The following AGFG1 variants were observed in gnomAD, a reference collection of about 807,000 sequenced individuals.
The protein encoded by AGFG1 is arf-GAP domain and FG repeat-containing protein 1.
Under a neutral mutation model 60.6 loss-of-function variants are expected in AGFG1, and 10 were observed. The observed-to-expected ratio is 0.16, with a 90% CI of 0.10 to 0.28. The LOEUF is 0.28. Ranked by LOEUF, AGFG1 falls within the 10% of genes least tolerant of loss-of-function variation. The probability of loss-of-function intolerance (pLI) is 1.00; values close to 1 mark genes in which losing one functional copy is unlikely to be tolerated. For synonymous variants in AGFG1, 247 were observed against 242.9 expected (o/e 1.02, Z -0.16); for missense variants, 537 against 676.5 (o/e 0.79, Z 2.29).
At chr2:227,525,874 C>T (rs1691975012) in intron 5 of AGFG1, among the ~76,000 whole-genome samples, 1 of 152,076 alleles carries the variant, frequency 6.6e-6, no homozygotes, top group African/African-American at 2.4e-5. Context: ...TGCTCAGTAC[C>T]CGAGTCCATT....
intron 1 of AGFG1, among the ~76,000 whole-genome samples, chr2:227,479,285 G>T (rs1472131849): frequency 6.6e-6 from 1 of 152,172 alleles, no homozygotes; most frequent in Admixed American, 6.5e-5. Flanking sequence ...TTATTGCCAT[G>T]TTAAGCCTTT....
intron 1 of AGFG1, 94 bp from the exon 2 acceptor site, chr2:227,491,453 T>A (rs1307251334): frequency 1.4e-6 from 1 of 737,352 alleles, no homozygotes; most frequent in African/African-American, 1.8e-5. Flanking sequence ...GTTTCAAGTT[T>A]GTGTGTTGGT....
rs747918101 is a variant in AGFG1 at position 227,556,622 on chromosome 2, C to T, written c.*2127C>T. 3 of 152,594 alleles carry T rather than the reference C, an allele frequency of 2.0e-5. No homozygotes were observed. The highest frequency in any genetic ancestry group is 4.4e-5 in the Non-Finnish European group (3 of 68,020). The allele number at this position is 152,594 out of a possible 1,614,324, so 9.5% of individuals were successfully genotyped here. A position where few individuals can be genotyped will look rare whatever the true frequency, so the allele number is the denominator to read the frequency against. On this transcript the variant is annotated 3_prime_UTR_variant, in exon 13 of 13. Coordinates refer to ENST00000310078, the MANE Select transcript of AGFG1 (RefSeq NM_004504.5). The stretch of plus-strand genomic sequence containing the variant: ...ACAGACCATTACCCAAATATCCTAC[C>T]AGGCTTTCCATCTGAATAGTAAATT...
Position 227,519,943 on chromosome 2 carries a change from C to G in AGFG1, c.262-5C>G, listed in dbSNP as rs1045680877. 3.9e-6 allele frequency: 6 copies of G among 1,543,336 alleles called. No homozygotes were observed. Among genetic ancestry groups the G allele is most frequent in the Non-Finnish European group, 4.4e-6 (5 of 1,139,700 alleles). On this transcript the variant is annotated splice_region_variant and splice_polypyrimidine_tract_variant and intron_variant, in intron 2 of 12. Transcript: ENST00000310078. ...TAACATATATTTTTTTAATTCTTTC[C>G]AAAGGTCTGTAAACAGATTTGGCTA...
intron 1 of AGFG1, among the ~76,000 whole-genome samples, chr2:227,487,860 A>T (rs557467872): frequency 6.6e-6 from 1 of 152,360 alleles, no homozygotes; most frequent in East Asian, 1.9e-4. Context: ...TCTTATAAGC[A>T]TGTAAAATCC....
intron 8 of AGFG1, among the ~76,000 whole-genome samples, 186 bp downstream of exon 8, chr2:227,535,211 CT>C (rs1162187117): frequency 6.6e-6 from 1 of 152,114 alleles, no homozygotes; most frequent in African/African-American, 2.4e-5. Context: ...ATAATTTTAT[CT>C]TTTCATTGAA....
chr2:227,524,800 G>C lies in AGFG1; in HGVS notation c.579G>C (p.Glu193Asp), dbSNP rs749588476. 121 of 1,614,042 alleles carry C rather than the reference G, an allele frequency of 7.5e-5. No individual in the cohort carries two copies. The highest frequency in any genetic ancestry group is 1.0e-4 in the Non-Finnish European group (120 of 1,180,002). ...VVGRSQGQQQ[E>D]KKQFDLLSDL... The stretch of plus-strand genomic sequence containing the variant: ...GTCGTTCTCAAGGGCAGCAGCAGGA[G>C]AAGAAGCAATTTGACCTTTTAAGTG... The change falls in exon 5 of 13, where the codon GAG (glutamate) becomes GAC (aspartate). Residue 193 changes from glutamate (E) to aspartate (D), a missense_variant. Physicochemically the swap from Glu to Asp is conservative, Grantham distance 45. Transcript: ENST00000310078.
intron 2 of AGFG1, among the ~76,000 whole-genome samples, chr2:227,492,189 A>G (rs1243460481): frequency 6.6e-6 from 1 of 151,744 alleles, no homozygotes; most frequent in Non-Finnish European, 1.5e-5. Context: ...TCTTGCCTTT[A>G]ATGGGCTTCC....
At chr2:227,504,451 C>G (rs1691252436) in intron 2 of AGFG1, among the ~76,000 whole-genome samples, 2 of 152,150 alleles carry the variant, frequency 1.3e-5, no homozygotes, top group African/African-American at 4.8e-5. Flanking sequence ...CCTTGGCCTC[C>G]CAGAGTGCTG....
At chr2:227,508,971 G>A (rs924654110) in intron 2 of AGFG1, among the ~76,000 whole-genome samples, 1 of 152,014 alleles carries the variant, frequency 6.6e-6, no homozygotes, top group African/African-American at 2.4e-5. Context: ...TAACTAGAAT[G>A]TTACCTGACA....
intron 1 of AGFG1, among the ~76,000 whole-genome samples, chr2:227,472,827 G>C (rs1444255431): frequency 6.6e-6 from 1 of 151,794 alleles, no homozygotes; most frequent in Non-Finnish European, 1.5e-5. Context: ...TTTACGTTCT[G>C]GGCAGCCTTC....
intron 3 of AGFG1, among the ~76,000 whole-genome samples, chr2:227,521,986 C>T (rs538028049): frequency 2.0e-5 from 3 of 152,268 alleles, no homozygotes; most frequent in East Asian, 3.9e-4. Flanking sequence ...GACTGCTGCA[C>T]ACCTGTAACA....
At chr2:227,519,896 C>G in intron 2 of AGFG1, 52 bp from the exon 3 acceptor site, 1 of 1,088,886 alleles carries the variant, frequency 9.2e-7, no homozygotes, top group South Asian at 1.4e-5. Context: ...CTTAAAATTT[C>G]ATTAAGTGAA....
chr2:227,532,599 T>A (rs1692195007), intron 6 of AGFG1, among the ~76,000 whole-genome samples: 1 of 152,154 alleles, frequency 6.6e-6, no homozygotes, highest in African/African-American at 2.4e-5. Context: ...ACCTGCTTGA[T>A]AGAAAGTGTT....
intron 2 of AGFG1, among the ~76,000 whole-genome samples, chr2:227,512,816 A>G (rs1354970069): frequency 1.3e-5 from 2 of 152,208 alleles, no homozygotes; most frequent in East Asian, 3.8e-4. Flanking sequence ...TATATCTTAC[A>G]TACAAAAGGA....
chr2:227,530,504 T>G (rs191015222), intron 5 of AGFG1, among the ~76,000 whole-genome samples: 7 of 152,282 alleles, frequency 4.6e-5, no homozygotes, highest in Admixed American at 3.9e-4. Context: ...TTCTTAAATT[T>G]TAATGAGTTT....
chr2:227,476,419 G>A (rs1690281473), intron 1 of AGFG1, among the ~76,000 whole-genome samples: 2 of 152,120 alleles, frequency 1.3e-5, no homozygotes, highest in Non-Finnish European at 2.9e-5. Flanking sequence ...TAATTGATAT[G>A]TAATATAAAA....
At chr2:227,502,565 C>T (rs978338939) in intron 2 of AGFG1, among the ~76,000 whole-genome samples, 3 of 152,166 alleles carry the variant, frequency 2.0e-5, no homozygotes, top group African/African-American at 7.2e-5. Flanking sequence ...AGGTGATCCA[C>T]CTGCCTCGGC....
At position 227,519,995 on chromosome 2, in the gene AGFG1, A is replaced by T. The variant is rs752665394; in HGVS notation, c.309A>T (p.Ala103=). The change falls in exon 3 of 13, where the codon GCA becomes GCT. Residue 103 remains alanine, a synonymous_variant. Coordinates refer to ENST00000310078, the MANE Select transcript of AGFG1 (RefSeq NM_004504.5). ...GATTATTTGATGATAGATCTTCAGC[A>T]ATTCCAGACTTCAGGGATCCACAAA... ...WLGLFDDRSS[A]IPDFRDPQKV... 2 of 1,586,708 alleles carry T rather than the reference A, an allele frequency of 1.3e-6. No homozygotes were observed. Among genetic ancestry groups the T allele is most frequent in the East Asian group, 4.6e-5 (2 of 43,190 alleles).
Sources: gnomAD v4.1 joint callset for allele counts (sites outside exome capture counted in the v4.1 genomes callset) on GRCh38, gnomAD v4.1.1 for gene constraint, MANE v1.5 for transcripts, NCBI Gene and HGNC (gene_info 2026-07-23, HGNC 2026-07-21) for gene names.